The following QTGAL variants were observed in gnomAD, a reference collection of about 807,000 sequenced individuals.
The protein encoded by QTGAL is BGnT-like protein 1.
chr17:82,978,123 A>T, the QTGAL span, among the ~76,000 whole-genome samples: 22 of 152,058 alleles, frequency 1.4e-4, no homozygotes, highest in East Asian at 4.1e-3. The surrounding 1 kb of genome is among the most constrained non-coding windows in gnomAD (Gnocchi z 4.8). Context: ...GTTTGTACCT[A>T]AAATCCTTTA....
chr17:83,001,079 T>C, the QTGAL span, among the ~76,000 whole-genome samples: 113 of 152,302 alleles, frequency 7.4e-4, no homozygotes, highest in East Asian at 0.018. Flanking sequence ...ACATTTGAAA[T>C]AGGGGCCATT....
the QTGAL span, chr17:82,949,134 G>C: frequency 1.3e-5 from 2 of 152,204 alleles, no homozygotes; most frequent in Non-Finnish European, 2.9e-5. Flanking sequence ...AAGGGCACGA[G>C]GCAGGTGCTC....
chr17:83,022,346 C>T, the QTGAL span, among the ~76,000 whole-genome samples: 2,382 of 82,606 alleles, frequency 0.029, 3 homozygotes, highest in Admixed American at 0.059. Context: ...CCTGCACCAG[C>T]GTGAACTCAC....
chr17:82,980,872 G>C, the QTGAL span, among the ~76,000 whole-genome samples: 1 of 152,138 alleles, frequency 6.6e-6, no homozygotes, highest in South Asian at 2.1e-4. Context: ...CGGAGGTTTG[G>C]GGGTGGGGCT....
At chr17:82,965,119 G>A in the QTGAL span, among the ~76,000 whole-genome samples, 1 of 145,134 alleles carries the variant, frequency 6.9e-6, no homozygotes. Context: ...GCACCCCCAT[G>A]GGGAGGACGG....
the QTGAL span, chr17:82,978,557 C>T: frequency 1.2e-4 from 19 of 152,248 alleles, no homozygotes; most frequent in Non-Finnish European, 2.2e-4. This position sits in a 1 kb window ranked among gnomAD's most constrained non-coding sequence, Gnocchi z 4.8. Flanking sequence ...GCATCCCGAC[C>T]GTGAACCCGG....
chr17:82,974,142 G>C, the QTGAL span, among the ~76,000 whole-genome samples: 32 of 152,340 alleles, frequency 2.1e-4, no homozygotes, highest in African/African-American at 7.0e-4. Context: ...GCCGGTTCCA[G>C]GCTGTCCTCT....
chr17:83,032,731 A>T, the QTGAL span, among the ~76,000 whole-genome samples: 11 of 152,226 alleles, frequency 7.2e-5, no homozygotes, highest in Non-Finnish European at 1.6e-4. Context: ...GGTTCTGTGT[A>T]AGAAAACGGG....
chr17:83,018,635 C>T, the QTGAL span, among the ~76,000 whole-genome samples: 1 of 152,204 alleles, frequency 6.6e-6, no homozygotes, highest in Non-Finnish European at 1.5e-5. Context: ...CATCCAACAC[C>T]ATGGTTTTCC....
At chr17:82,960,849 G>T in the QTGAL span, among the ~76,000 whole-genome samples, 1 of 152,268 alleles carries the variant, frequency 6.6e-6, no homozygotes, top group African/African-American at 2.4e-5. Context: ...GCGCTCCCTG[G>T]CGCCCTTGGG....
chr17:82,971,126 G>A, the QTGAL span, among the ~76,000 whole-genome samples: 1 of 152,170 alleles, frequency 6.6e-6, no homozygotes, highest in Non-Finnish European at 1.5e-5. Context: ...CACGCTGGGG[G>A]TCAAATTTCA....
At chr17:82,983,750 G>A in the QTGAL span, among the ~76,000 whole-genome samples, 5 of 148,992 alleles carry the variant, frequency 3.4e-5, no homozygotes, top group South Asian at 6.2e-4. Context: ...CAGGGGCCCC[G>A]GGGCGGAGGA....
At chr17:82,995,738 G>A in the QTGAL span, among the ~76,000 whole-genome samples, 1 of 152,028 alleles carries the variant, frequency 6.6e-6, no homozygotes, top group South Asian at 2.1e-4. Flanking sequence ...AATCAAGAAA[G>A]TAATCTCATT....
the QTGAL span, among the ~76,000 whole-genome samples, chr17:83,039,809 G>A: frequency 2.0e-5 from 3 of 152,114 alleles, no homozygotes; most frequent in Non-Finnish European, 2.9e-5. Flanking sequence ...TTACTCCTGC[G>A]TCTTCTGAGC....
the QTGAL span, among the ~76,000 whole-genome samples, chr17:82,982,811 G>A: frequency 9.2e-5 from 14 of 152,116 alleles, no homozygotes; most frequent in African/African-American, 2.4e-4. Flanking sequence ...ACATGGGGAC[G>A]TCTCACAGAA....
chr17:83,005,238 C>A, the QTGAL span: 1 of 1,575,594 alleles, frequency 6.3e-7, no homozygotes, highest in Non-Finnish European at 8.7e-7. This position sits in a 1 kb window ranked among gnomAD's most constrained non-coding sequence, Gnocchi z 5.6. Context: ...AGACAGAGCT[C>A]AAAACAAAGT....
the QTGAL span, among the ~76,000 whole-genome samples, chr17:83,029,087 T>A: frequency 6.6e-6 from 1 of 152,204 alleles, no homozygotes; most frequent in Non-Finnish European, 1.5e-5. Flanking sequence ...GCCGGGAGCA[T>A]GCAGGCCGTT....
the QTGAL span, among the ~76,000 whole-genome samples, chr17:82,958,934 TGTG>T: frequency 2.5e-5 from 3 of 120,594 alleles, no homozygotes; most frequent in African/African-American, 1.1e-4. Context: ...GGTGTGTGTG[TGTG>T]TATACTGTGT....
chr17:82,946,207 G>A, the QTGAL span, among the ~76,000 whole-genome samples: 2 of 152,148 alleles, frequency 1.3e-5, no homozygotes, highest in African/African-American at 4.8e-5. Flanking sequence ...AATGGCAAGA[G>A]GAAAAGGCAG....
Sources: gnomAD v4.1 joint callset for allele counts (sites outside exome capture counted in the v4.1 genomes callset) on GRCh38, gnomAD v4.1.1 for gene constraint, Gnocchi (gnomAD v3.1) non-coding constraint, MANE v1.5 for transcripts, NCBI Gene and HGNC (gene_info 2026-07-23, HGNC 2026-07-21) for gene names.